Variants in PCDH11X observed in about 807,000 individuals in gnomAD.
PCDH11X encodes protocadherin 11 X-linked.
Under a neutral mutation model 53.3 loss-of-function variants are expected in PCDH11X, and 18 were observed. That is an observed-to-expected ratio of 0.34 (90% CI 0.23 to 0.50). The LOEUF (loss-of-function observed/expected upper bound fraction) is 0.50. PCDH11X is among the 20% of genes least tolerant of loss of function. The pLI is 0.98. For synonymous variants in PCDH11X, 279 were observed against 393.3 expected (o/e 0.71, Z 3.44); for missense variants, 570 against 1,032.4 (o/e 0.55, Z 6.14).
At chrX:92,383,149 T>A (rs2754870) in intron 8 of PCDH11X, among the ~76,000 whole-genome samples, 43,972 of 107,917 alleles carry the variant, frequency 0.41, 7,303 homozygotes, top group Non-Finnish European at 0.49. Context: ...TTTTTACACT[T>A]CAACATTAGG....
At chrX:91,957,459 A>C (rs151181383) in intron 6 of PCDH11X, among the ~76,000 whole-genome samples, 58 of 108,952 alleles carry the variant, frequency 5.3e-4, no homozygotes, top group African/African-American at 1.8e-3. Context: ...TTTTTTGTTG[A>C]TGTTGTTGTT....
chrX:92,445,389 G>A (rs1206863326), intron 9 of PCDH11X, among the ~76,000 whole-genome samples: 25 of 101,171 alleles, frequency 2.5e-4, no homozygotes, highest in African/African-American at 8.6e-4. Context: ...AATCCCAGAG[G>A]ATCACGTATA....
chrX:92,085,839 T>C (rs1293083063), intron 6 of PCDH11X, among the ~76,000 whole-genome samples: 1 of 111,545 alleles, frequency 9.0e-6, no homozygotes, highest in Non-Finnish European at 1.9e-5. Flanking sequence ...TCTATGCCTA[T>C]GCTGTCTAGT....
chrX:92,588,003 A>G (rs1399468518), intron 10 of PCDH11X, among the ~76,000 whole-genome samples: 1 of 105,365 alleles, frequency 9.5e-6, no homozygotes, highest in Non-Finnish European at 2.0e-5. Flanking sequence ...TTTCTCTAGG[A>G]AGAATATTCA....
intron 4 of PCDH11X, among the ~76,000 whole-genome samples, chrX:91,829,285 A>G (rs1937029158): frequency 1.8e-5 from 2 of 109,262 alleles, no homozygotes; most frequent in African/African-American, 3.4e-5. Context: ...TCATAGATAT[A>G]ATACTGTTTT....
At chrX:92,328,246 G>A (rs1458359155) in intron 8 of PCDH11X, among the ~76,000 whole-genome samples, 1 of 110,843 alleles carries the variant, frequency 9.0e-6, no homozygotes, top group Non-Finnish European at 1.9e-5. Flanking sequence ...GGCCCTCGTA[G>A]TAAATTCATC....
chrX:92,278,441 C>G (rs181776397), intron 8 of PCDH11X, among the ~76,000 whole-genome samples: 1 of 111,033 alleles, frequency 9.0e-6, no homozygotes, highest in African/African-American at 3.3e-5. Flanking sequence ...TGGGTGCAGG[C>G]GGGCTGAGTC....
At chrX:92,375,780 C>A (rs989328997) in intron 8 of PCDH11X, among the ~76,000 whole-genome samples, 3 of 108,045 alleles carry the variant, frequency 2.8e-5, no homozygotes, top group Non-Finnish European at 3.8e-5. Flanking sequence ...CCCGCCACCA[C>A]GCCCGGCTAA....
At chrX:92,295,481 T>C (rs756844995) in intron 8 of PCDH11X, among the ~76,000 whole-genome samples, 1 of 110,170 alleles carries the variant, frequency 9.1e-6, no homozygotes, top group South Asian at 3.9e-4. Flanking sequence ...ATTTTGTTTC[T>C]TATTGTTATT....
chrX:92,509,971 T>G (rs1196985356), intron 10 of PCDH11X, among the ~76,000 whole-genome samples: 4 of 110,476 alleles, frequency 3.6e-5, no homozygotes, highest in Non-Finnish European at 7.6e-5. Flanking sequence ...TAATAAACAA[T>G]TGGAGTGAGA....
At chrX:92,527,257 A>G (rs1402299308) in intron 10 of PCDH11X, among the ~76,000 whole-genome samples, 1 of 111,335 alleles carries the variant, frequency 9.0e-6, no homozygotes, top group Non-Finnish European at 1.9e-5. Flanking sequence ...TTTTTAAATA[A>G]CTTGAAAAGT....
rs773214546 is a variant in PCDH11X at position 92,379,363 on chromosome X, C to A, written c.3145-8372C>A. Reference sequence around the variant, plus strand: ...TGGTGGGATGTGTGTGAGCTTTTGGCGGTGCTGACATGCCTATGGCTGCCT... The same window carrying A: ...TGGTGGGATGTGTGTGAGCTTTTGGAGGTGCTGACATGCCTATGGCTGCCT... On this transcript the variant is annotated intron_variant, in intron 8 of 10. Coordinates refer to ENST00000682573, the MANE Select transcript of PCDH11X (RefSeq NM_032968.5). Among the ~76,000 whole-genome samples the A allele has an allele frequency of 2.7e-5, 3 of 112,995 alleles. No individual in the cohort carries two copies. The East Asian group carries it at 8.4e-4, about 32-fold the overall frequency.
chrX:92,035,477 T>C (rs2148021013), intron 6 of PCDH11X, among the ~76,000 whole-genome samples: 1 of 102,257 alleles, frequency 9.8e-6, no homozygotes, highest in East Asian at 3.1e-4. Flanking sequence ...TCTTCTGGCC[T>C]GTAAGGTTTC....
rs184428340 is a variant in PCDH11X, at chrX:92,397,825, G to A, written c.3343+9892G>A. On this transcript the variant is annotated intron_variant, in intron 9 of 10. Coordinates refer to ENST00000682573, the MANE Select transcript of PCDH11X (RefSeq NM_032968.5). The stretch of plus-strand genomic sequence containing the variant: ...TTCGTTCAGATAATCTTCTATAAAA[G>A]CTACTTTTACTAGTTTAAATCCATT... Among the ~76,000 whole-genome samples, 496 of 111,271 alleles carry A rather than the reference G, an allele frequency of 4.5e-3. 2 individuals carry two copies. The highest frequency in any genetic ancestry group is 9.3e-3 in the Middle Eastern group (2 of 216).
intron 10 of PCDH11X, among the ~76,000 whole-genome samples, chrX:92,487,048 C>CTTTTTTTTTTTTTTTTTT (rs758641899): frequency 4.4e-5 from 3 of 67,836 alleles, no homozygotes; most frequent in Admixed American, 2.0e-4. Flanking sequence ...AATATGCTTC[C>CTTTTTTTTTTTTTTTTTT]TTTTTTTTTT....
At chrX:92,545,895 A>AATC (rs1181137701) in intron 10 of PCDH11X, among the ~76,000 whole-genome samples, 11 of 108,486 alleles carry the variant, frequency 1.0e-4, no homozygotes, top group African/African-American at 3.6e-4. Context: ...CCTTTGGTTT[A>AATC]CAAATAGCAT....
intron 7 of PCDH11X, among the ~76,000 whole-genome samples, chrX:92,244,398 T>C (rs2067311440): frequency 9.1e-6 from 1 of 109,492 alleles, no homozygotes; most frequent in South Asian, 3.9e-4. Flanking sequence ...ACTCACAGTC[T>C]TTTACTGTCA....
intron 10 of PCDH11X, among the ~76,000 whole-genome samples, chrX:92,594,583 C>A (rs1474922452): frequency 1.9e-5 from 2 of 107,796 alleles, no homozygotes; most frequent in African/African-American, 3.4e-5. Context: ...TGTTTTGAGA[C>A]TTTTTTCAGC....
chrX:91,905,677 A>G (rs908908189), intron 6 of PCDH11X, among the ~76,000 whole-genome samples: 7 of 111,656 alleles, frequency 6.3e-5, no homozygotes, highest in Non-Finnish European at 1.3e-4. Flanking sequence ...TTCAAGACAC[A>G]TGATATTTTC....
Sources: allele counts gnomAD v4.1 joint callset (sites outside exome capture counted in the v4.1 genomes callset), GRCh38; gene constraint gnomAD v4.1.1; transcripts MANE v1.5; gene names NCBI Gene and HGNC (gene_info 2026-07-23, HGNC 2026-07-21).